The following SI variants were observed in gnomAD, a reference collection of about 807,000 sequenced individuals.
SI encodes the protein sucrase-isomaltase, intestinal.
A neutral mutation model predicts 253.3 loss-of-function variants in SI; 235 were observed. The observed-to-expected ratio is 0.93, with a 90% confidence interval of 0.83 to 1.03. The LOEUF (loss-of-function observed/expected upper bound fraction) is 1.03. Among genes scored for constraint, SI ranks in the 50% least tolerant of loss-of-function variants. The pLI is 0.00. For missense variants in SI, 2,442 were observed against 2,211.1 expected (o/e 1.10, Z -2.09); for synonymous variants, 819 against 712.0 (o/e 1.15, Z -2.39).
chr3:165,048,143 C>T (rs1024958108), intron 15 of SI, among the ~76,000 whole-genome samples: 2 of 151,854 alleles, frequency 1.3e-5, no homozygotes, highest in Admixed American at 6.6e-5. Context: ...TGATTTAAGA[C>T]CATAAAAATA....
chr3:165,061,118 A>G (rs890135332), intron 9 of SI, among the ~76,000 whole-genome samples: 1 of 151,760 alleles, frequency 6.6e-6, no homozygotes, highest in African/African-American at 2.4e-5. Context: ...CATGTGATTG[A>G]AATTTCTTCT....
At position 164,992,345 on chromosome 3, in the gene SI, G is replaced by A. The variant is rs770963116; in HGVS notation, c.4894C>T (p.Pro1632Ser). 1 of 1,613,274 alleles carries A rather than the reference G, an allele frequency of 6.2e-7. No individual in the cohort carries two copies. The highest frequency in any genetic ancestry group is 1.3e-5 in the African/African-American group (1 of 74,986). The change falls in exon 42 of 48, where the codon CCA becomes TCA. Residue 1632 changes from proline (P) to serine (S), a missense_variant. Transcript: ENST00000264382. ...WDIFKQFLWG[P>S]AFMVTPVLEP... ...AGTACTGGGGTAACCATAAATGCTG[G>A]ACCCCATAAGAACTGCTTGAATATA...
Position 165,021,261 on chromosome 3 carries a change from G to A in SI, c.3222C>T (p.Ile1074=), listed in dbSNP as rs771390854. The change falls in exon 27 of 48, where the codon ATC becomes ATT. Residue 1074 remains isoleucine (I), a synonymous_variant. Coordinates refer to ENST00000264382, the MANE Select transcript of SI (RefSeq NM_001041.4). ...TTCCACTGCTTCTCCGTCGAATCTG[G>A]ATGCCAAAAGGATTTTCCTTGATTT... The part of the protein sequence containing the change: ...DVEIKENPFG[I]QIRRRSSGRV... 1.2e-6 allele frequency: 2 copies of A among 1,611,116 alleles called. No homozygotes were observed. The highest frequency in any genetic ancestry group is 1.7e-6 in the Non-Finnish European group (2 of 1,177,996).
Position 165,065,344 on chromosome 3 carries a change from C to A in SI, c.724G>T (p.Gly242Ter). 6.3e-7 allele frequency: 1 copy of A among 1,599,780 alleles called. No individual in the cohort carries two copies. The highest frequency in any genetic ancestry group is 8.6e-7 in the Non-Finnish European group (1 of 1,168,786). Residue 242 changes from glycine to a stop codon, truncating the protein, a stop_gained, in exon 7 of 48, where the codon GGA becomes TGA. Transcript: ENST00000264382. LOFTEE classifies it high-confidence loss of function. ...RLPSDYIYGI[G>*]EQVHKRFRHD... is the part of the protein sequence containing the mutation. ...CGAAATCTCTTATGAACTTGTTCTC[C>A]AATACCATAAATATAATCACTTGGA...
intron 47 of SI, among the ~76,000 whole-genome samples, chr3:164,981,156 T>C (rs1346624487): frequency 6.6e-6 from 1 of 152,082 alleles, no homozygotes; most frequent in Non-Finnish European, 1.5e-5. Flanking sequence ...AGGAAGGACA[T>C]TAAATATATC....
chr3:165,005,164 A>T (rs1718443646), intron 37 of SI, among the ~76,000 whole-genome samples: 1 of 152,138 alleles, frequency 6.6e-6, no homozygotes, highest in African/African-American at 2.4e-5. Flanking sequence ...TTAAATAAAC[A>T]TCTTTAAATT....
rs1182091415 is a variant in SI, at chr3:165,023,770, A to G, written c.2899T>C (p.Ser967Pro). 2.5e-6 allele frequency: 4 copies of G among 1,608,594 alleles called. No homozygotes were observed. The highest frequency in any genetic ancestry group is 3.4e-6 in the Non-Finnish European group (4 of 1,176,212). Residue 967 changes from serine (S) to proline (P), a missense_variant, in exon 26 of 48, where the codon TCT (serine) becomes CCT (proline). Physicochemically the swap from Ser to Pro is moderately conservative, Grantham distance 74. Transcript: ENST00000264382. ...TAACACTCAGGTGCTTTGGATAGAG[A>G]AGAACCCTAAAAACACAATGCATGT... ...QRGCVWRTGS[S>P]LSKAPECYFP...
At position 165,049,110 on chromosome 3, in the gene SI, A is replaced by G. The variant is rs757905159; in HGVS notation, c.1715+17T>C. 1.6e-6 allele frequency: 2 copies of G among 1,288,198 alleles called. No homozygotes were observed. Among genetic ancestry groups the G allele is most frequent in the Non-Finnish European group, 1.1e-6 (1 of 882,672 alleles). The allele number at this position is 1,288,198 out of a possible 1,614,324, so 79.8% of individuals were successfully genotyped here. A position where few individuals can be genotyped will look rare whatever the true frequency, so the allele number is the denominator to read the frequency against. On this transcript the variant is annotated intron_variant, in intron 15 of 47. Transcript: ENST00000264382. ...GCAATAAATATGAAAGAAGTCTTTG[A>G]ATGAAATTGCACTTACTGCTCTGTG...
In SI at chr3:164,983,031, A is replaced by G; in HGVS notation, c.5218T>C (p.Tyr1740His). Reference sequence around the variant, plus strand: ...TTTAAATTAAATTGTACAGATAAATATAGGTCTCTTTCATAGGTGTCTGTA... The same window carrying G: ...TTTAAATTAAATTGTACAGATAAATGTAGGTCTCTTTCATAGGTGTCTGTA... ...ESIDTYERDL[Y>H]LSVQFNLNQT... Residue 1740 changes from tyrosine to histidine, a missense_variant, in exon 46 of 48, where the codon TAT (tyrosine) becomes CAT (histidine). Coordinates refer to ENST00000264382, the MANE Select transcript of SI (RefSeq NM_001041.4). 2 of 1,546,670 alleles carry G rather than the reference A, an allele frequency of 1.3e-6. No homozygotes were observed. Among genetic ancestry groups the G allele is most frequent in the Middle Eastern group, 1.7e-4 (1 of 5,766 alleles).
In SI at chr3:165,055,188, A is replaced by C. The variant is rs772178082; in HGVS notation, c.1512+6T>G. The C allele has an allele frequency of 6.5e-7, 1 of 1,533,384 alleles. No homozygotes were observed. The highest frequency in any genetic ancestry group is 1.1e-5 in the South Asian group (1 of 89,412). The allele number at this position is 1,533,384 out of a possible 1,614,324, so 95.0% of individuals were successfully genotyped here. A position where few individuals can be genotyped will look rare whatever the true frequency, so the allele number is the denominator to read the frequency against. ...CCAAAACCATTGGTTTAAAATAGCT[A>C]CTTACAATCCAAAGTCCATCATATT... is the stretch of plus-strand genomic sequence containing the variant. On this transcript the variant is annotated splice_donor_region_variant and intron_variant, in intron 13 of 47. Coordinates refer to ENST00000264382, the MANE Select transcript of SI (RefSeq NM_001041.4).
chr3:165,089,946 G>C, the SI span, among the ~76,000 whole-genome samples: 3 of 152,104 alleles, frequency 2.0e-5, no homozygotes, highest in Non-Finnish European at 4.4e-5. Context: ...GACAGAGATT[G>C]AGGCAAGAAA....
At chr3:165,080,923 AAC>A (rs1715297911), upstream of SI, among the ~76,000 whole-genome samples, 1 of 151,918 alleles carries the variant, frequency 6.6e-6, no homozygotes, top group African/African-American at 2.4e-5. Context: ...GTCTTAAAGA[AAC>A]AGACAGAAAA....
intron 45 of SI, among the ~76,000 whole-genome samples, chr3:164,985,459 A>T (rs934430907): frequency 6.6e-6 from 1 of 152,196 alleles, no homozygotes; most frequent in Non-Finnish European, 1.5e-5. Flanking sequence ...CAAAATGTTA[A>T]AAAGAGGGAT....
chr3:165,059,849 T>C, intron 10 of SI, 53 bp downstream of exon 10: 3 of 1,560,734 alleles, frequency 1.9e-6, no homozygotes, highest in Non-Finnish European at 2.6e-6. Flanking sequence ...GTTCTTATTA[T>C]GTGACAATAT....
At chr3:165,031,876 G>A (rs530278587) in intron 24 of SI, among the ~76,000 whole-genome samples, 77 of 151,180 alleles carry the variant, frequency 5.1e-4, no homozygotes, top group African/African-American at 1.5e-3. Flanking sequence ...CTAAAATAAT[G>A]AGAGATTGAT....
At chr3:165,003,134 A>C (rs2108147885) in intron 37 of SI, among the ~76,000 whole-genome samples, 1 of 151,984 alleles carries the variant, frequency 6.6e-6, no homozygotes, top group South Asian at 2.1e-4. Context: ...ATAATGATGA[A>C]TTTATTTAAA....
intron 26 of SI, among the ~76,000 whole-genome samples, chr3:165,022,547 A>ACACC (rs1711680937): frequency 6.7e-6 from 1 of 149,624 alleles, no homozygotes; most frequent in Non-Finnish European, 1.5e-5. Flanking sequence ...ACACACACAC[A>ACACC]CACACACACA....
intron 22 of SI, 22 bp from the exon 23 acceptor site, chr3:165,033,466 TC>T: frequency 6.5e-7 from 1 of 1,526,876 alleles, no homozygotes; most frequent in Non-Finnish European, 8.8e-7. Context: ...AATATCGTGA[TC>T]AGTACAAAAT....
rs768063141 is a variant in SI, at chr3:165,043,051, G to C, written c.2004+8C>G. On this transcript the variant is annotated splice_region_variant and intron_variant, in intron 17 of 47. Transcript: ENST00000264382. Reference sequence around the variant, plus strand: ...TATTTCGCAACATGGAGAACAAGAGGCTCTTACTTCATATCCGTCAGAATT... The same window carrying C: ...TATTTCGCAACATGGAGAACAAGAGCCTCTTACTTCATATCCGTCAGAATT... 2 of 1,491,574 alleles carry C rather than the reference G, an allele frequency of 1.3e-6. No individual in the cohort carries two copies. The highest frequency in any genetic ancestry group is 1.1e-5 in the South Asian group (1 of 88,632). The allele number at this position is 1,491,574 out of a possible 1,614,324, so 92.4% of individuals were successfully genotyped here.
Sources: allele counts gnomAD v4.1 joint callset (sites outside exome capture counted in the v4.1 genomes callset), GRCh38; gene constraint gnomAD v4.1.1; transcripts MANE v1.5; gene names NCBI Gene and HGNC (gene_info 2026-07-23, HGNC 2026-07-21).